PIANP: variants seen among roughly 807,000 people sequenced by gnomAD.
PIANP encodes PILR alpha-associated neural protein.
A neutral mutation model predicts 28.9 loss-of-function variants in PIANP; 14 were observed. The observed-to-expected ratio is 0.49, with a 90% confidence interval of 0.32 to 0.76. The LOEUF (loss-of-function observed/expected upper bound fraction) is 0.76. PIANP is among the 30% of genes least tolerant of loss of function. The probability of loss-of-function intolerance (pLI) is 0.03; values close to 1 mark genes in which losing one functional copy is unlikely to be tolerated. For missense variants in PIANP, 322 were observed against 371.8 expected (o/e 0.87, Z 1.10); for synonymous variants, 149 against 156.6 (o/e 0.95, Z 0.36).
Position 6,695,138 on chromosome 12 carries a change from G to T in PIANP, c.*288C>A, listed in dbSNP as rs1226028849. On this transcript the variant is annotated 3_prime_UTR_variant, in exon 5 of 5. Transcript: ENST00000534837. The surrounding 1 kb of genome is among the most constrained non-coding windows in gnomAD (Gnocchi z 4.2). Reference sequence around the variant, plus strand: ...AGGGGAAGTTCAAGACAAAGAGGGGGAATCAAGGTTAAGAGGGCAGAGTTG... The same window carrying T: ...AGGGGAAGTTCAAGACAAAGAGGGGTAATCAAGGTTAAGAGGGCAGAGTTG... 2 of 1,517,720 alleles carry T rather than the reference G, an allele frequency of 1.3e-6. No individual in the cohort carries two copies. Among genetic ancestry groups the T allele is most frequent in the East Asian group, 2.4e-5 (1 of 40,894 alleles). The allele number at this position is 1,517,720 out of a possible 1,614,324, so 94.0% of individuals were successfully genotyped here.
At chr12:6,698,019 G>A in intron 2 of PIANP, 26 bp downstream of exon 2, 1 of 1,555,784 alleles carries the variant, frequency 6.4e-7, no homozygotes, top group Non-Finnish European at 8.7e-7. Flanking sequence ...GTGGTCTCCA[G>A]GCTCCCTCTG....
At chr12:6,693,382 T>G (rs949704109), downstream of PIANP, among the ~76,000 whole-genome samples, 2 of 151,924 alleles carry the variant, frequency 1.3e-5, no homozygotes, top group Admixed American at 1.3e-4. Flanking sequence ...GATGGCTGGC[T>G]CCCTCTCATC....
At chr12:6,699,012 G>A (rs569509515) in intron 1 of PIANP, among the ~76,000 whole-genome samples, 1 of 152,332 alleles carries the variant, frequency 6.6e-6, no homozygotes, top group African/African-American at 2.4e-5. Context: ...GGGAAGCCAA[G>A]GCGGGTGGAT....
chr12:6,697,489 C>T lies in PIANP; in HGVS notation c.321G>A (p.Val107=). Residue 107 remains valine (V), a synonymous_variant, in exon 3 of 5, where the codon GTG becomes GTA. Transcript: ENST00000534837. This position sits in a 1 kb window ranked among gnomAD's most constrained non-coding sequence, Gnocchi z 6.9. ...PPSSQYPWAI[V]WGPTVSREDG... ...CCTCTCGAGACACGGTGGGACCCCA[C>T]ACGATAGCCCAGGGGTATTGGGATG... 6.2e-7 allele frequency: 1 copy of T among 1,613,862 alleles called. No homozygotes were observed. Among genetic ancestry groups the T allele is most frequent in the Non-Finnish European group, 8.5e-7 (1 of 1,179,836 alleles).
Position 6,697,406 on chromosome 12 carries a change from G to A in PIANP, c.404C>T (p.Pro135Leu). The change falls in exon 3 of 5, where the codon CCT (proline) becomes CTT (leucine). Residue 135 changes from proline to leucine, a missense_variant. Transcript: ENST00000534837. The surrounding 1 kb of genome is among the most constrained non-coding windows in gnomAD (Gnocchi z 6.9). Reference protein sequence around the residue: ...PGFLDYGFAAPHGLATPHPNS... With the variant: ...PGFLDYGFAALHGLATPHPNS... The stretch of plus-strand genomic sequence containing the variant: ...GGGGTGTGGGGTTGCGAGCCCATGA[G>A]GGGCTGCAAAACCATAGTCCAGAAA... The A allele has an allele frequency of 1.2e-6, 2 of 1,614,050 alleles. No homozygotes were observed. Among genetic ancestry groups the A allele is most frequent in the Non-Finnish European group, 1.7e-6 (2 of 1,179,896 alleles).
rs1959930285 is a variant in PIANP at position 6,697,950 on chromosome 12, C to T, written c.17+95G>A. On this transcript the variant is annotated intron_variant, in intron 2 of 4. Transcript: ENST00000534837. This position sits in a 1 kb window ranked among gnomAD's most constrained non-coding sequence, Gnocchi z 6.9. ...TCCCATCTTCCAAAGGAGGATGGCC[C>T]TCAGGATGGGAAGGCTCTGGATGGG... 7.9e-6 allele frequency: 12 copies of T among 1,527,866 alleles called. No homozygotes were observed. The highest frequency in any genetic ancestry group is 3.6e-5 in the South Asian group (3 of 83,394). The allele number at this position is 1,527,866 out of a possible 1,614,324, so 94.6% of individuals were successfully genotyped here.
At position 6,700,333 on chromosome 12, in the gene PIANP, C is replaced by G. The variant is rs1960016355; in HGVS notation, c.-44+281G>C. 6.6e-6 allele frequency: 1 copy of G among 152,392 alleles called. No individual in the cohort carries two copies. The highest frequency in any genetic ancestry group is 2.4e-5 in the African/African-American group (1 of 41,456). 9.4% of individuals were successfully genotyped at this position (152,392 alleles called of 1,614,324 possible). ...ACCCCGAGGCAGGGAGTGCCGAGAG[C>G]GGACTGGGGACCCGAAGCAGGAGAC... is the stretch of plus-strand genomic sequence containing the variant. On this transcript the variant is annotated intron_variant, in intron 1 of 4. Coordinates refer to ENST00000534837, the MANE Select transcript of PIANP (RefSeq NM_001244014.2). The surrounding 1 kb of genome is among the most constrained non-coding windows in gnomAD (Gnocchi z 5.5).
At position 6,697,683 on chromosome 12, in the gene PIANP, CTGGGGCTGG is replaced by C. The variant is rs1408806101; in HGVS notation, c.118_126del (p.Pro40_Pro42del). Reference sequence around the variant, plus strand: ...CCTCCCCTGGCACACGGGGGGCGGGCTGGGGCTGGTGGGGTTCGAGGGGAGGATGAAGAG... The same window carrying C: ...CCTCCCCTGGCACACGGGGGGCGGGCTGGGGTTCGAGGGGAGGATGAAGAG... On this transcript the variant is annotated inframe_deletion, in exon 3 of 5. Coordinates refer to ENST00000534837, the MANE Select transcript of PIANP (RefSeq NM_001244014.2). This position sits in a 1 kb window ranked among gnomAD's most constrained non-coding sequence, Gnocchi z 6.9. 6.5e-7 allele frequency: 1 copy of C among 1,543,534 alleles called. No homozygotes were observed. Among genetic ancestry groups the C allele is most frequent in the Admixed American group, 2.0e-5 (1 of 49,550 alleles).
rs746161891 is a variant in PIANP, at chr12:6,695,543, C to G, written c.714G>C (p.Val238=). The G allele has an allele frequency of 6.3e-7, 1 of 1,593,984 alleles. No individual in the cohort carries two copies. ...LTDLSPAGVT[V]LGAFGDSPTP... ...TAGGTGAGTCCCCGAAGGCCCCCAG[C>G]ACAGTGACTCCAGCCGGGGACAGGT... Residue 238 remains valine, a synonymous_variant, in exon 5 of 5, where the codon GTG becomes GTC. Coordinates refer to ENST00000534837, the MANE Select transcript of PIANP (RefSeq NM_001244014.2). This position sits in a 1 kb window ranked among gnomAD's most constrained non-coding sequence, Gnocchi z 4.2.
chr12:6,697,251 C>G lies in PIANP; in HGVS notation c.523+36G>C, dbSNP rs1202444445. ...CCCTTGGTGTCTTCACCCAGCCTCC[C>G]CATCCGTCATATCCCTCCCAGCCTT... On this transcript the variant is annotated intron_variant, in intron 3 of 4. Transcript: ENST00000534837. The surrounding 1 kb of genome is among the most constrained non-coding windows in gnomAD (Gnocchi z 6.9). The G allele has an allele frequency of 6.2e-7, 1 of 1,604,142 alleles. No individual in the cohort carries two copies. The highest frequency in any genetic ancestry group is 1.3e-5 in the African/African-American group (1 of 74,274).
Position 6,696,373 on chromosome 12 carries a change from C to CT in PIANP, c.605+69dup. On this transcript the variant is annotated intron_variant, in intron 4 of 4. Coordinates refer to ENST00000534837, the MANE Select transcript of PIANP (RefSeq NM_001244014.2). This position sits in a 1 kb window ranked among gnomAD's most constrained non-coding sequence, Gnocchi z 4.0. ...CCCAGCAAAATTGCTGCCACTGCCC[C>CT]TCGTGGTTAGAGCCTCGACTGCCAA... The CT allele has an allele frequency of 7.8e-7, 1 of 1,283,736 alleles. No homozygotes were observed. The highest frequency in any genetic ancestry group is 1.6e-5 in the South Asian group (1 of 61,790). The allele number at this position is 1,283,736 out of a possible 1,614,324, so 79.5% of individuals were successfully genotyped here.
At position 6,696,820 on chromosome 12, in the gene PIANP, T is replaced by C. The variant is rs540218238; in HGVS notation, c.524-296A>G. Reference sequence around the variant, plus strand: ...ATCACTATGCCTGGAAACTAAGGGGTGGAGATGTCCTAGTCTCTGCCATGG... The same window carrying C: ...ATCACTATGCCTGGAAACTAAGGGGCGGAGATGTCCTAGTCTCTGCCATGG... On this transcript the variant is annotated intron_variant, in intron 3 of 4. Transcript: ENST00000534837. The surrounding 1 kb of genome is among the most constrained non-coding windows in gnomAD (Gnocchi z 4.0). Among the ~76,000 whole-genome samples, 2 of 152,244 alleles carry C rather than the reference T, an allele frequency of 1.3e-5. No individual in the cohort carries two copies. Among genetic ancestry groups the C allele is most frequent in the Admixed American group, 1.3e-4 (2 of 15,294 alleles).
chr12:6,698,914 G>A (rs1339246485), intron 1 of PIANP, among the ~76,000 whole-genome samples: 1 of 152,148 alleles, frequency 6.6e-6, no homozygotes, highest in Non-Finnish European at 1.5e-5. Flanking sequence ...AGGGAGTGAA[G>A]ATAGGATACC....
Position 6,697,739 on chromosome 12 carries a change from G to A in PIANP, c.71C>T (p.Pro24Leu). 1 of 1,557,082 alleles carries A rather than the reference G, an allele frequency of 6.4e-7. No individual in the cohort carries two copies. Among genetic ancestry groups the A allele is most frequent in the Non-Finnish European group, 8.7e-7 (1 of 1,154,218 alleles). ...LLPLWPLLLL[P>L]LPPPAQGSSS... ...AGAGCCCTGAGCAGGCGGTGGGAGG[G>A]GCAGCAACAGCAGTGGCCAGAGAGG... Residue 24 changes from proline to leucine, a missense_variant, in exon 3 of 5, where the codon CCC (proline) becomes CTC (leucine). By Grantham distance (98) the Pro-to-Leu change is moderately conservative (BLOSUM62 -3). Coordinates refer to ENST00000534837, the MANE Select transcript of PIANP (RefSeq NM_001244014.2). The surrounding 1 kb of genome is among the most constrained non-coding windows in gnomAD (Gnocchi z 6.9).
chr12:6,693,541 C>T (rs1959749198), downstream of PIANP, among the ~76,000 whole-genome samples: 1 of 152,152 alleles, frequency 6.6e-6, no homozygotes, highest in Non-Finnish European at 1.5e-5. Flanking sequence ...TCTCTTGACC[C>T]TCCCTGGCAA....
chr12:6,698,181 C>G (rs1255275128), intron 1 of PIANP, 77 bp from the exon 2 acceptor site: 1 of 1,181,080 alleles, frequency 8.5e-7, no homozygotes, highest in Non-Finnish European at 1.2e-6. Context: ...CCAATTCTAC[C>G]CGCATCTGCC....
At chr12:6,698,241 G>T in intron 1 of PIANP, 137 bp from the exon 2 acceptor site, 1 of 714,840 alleles carries the variant, frequency 1.4e-6, no homozygotes, top group East Asian at 2.7e-5. Flanking sequence ...AGGATTCACT[G>T]GTTGTTAGCA....
At chr12:6,698,506 G>C (rs1456551467) in intron 1 of PIANP, 1 of 239,910 alleles carries the variant, frequency 4.2e-6, no homozygotes, top group African/African-American at 2.3e-5. Flanking sequence ...AAGTCAATCT[G>C]AGCAAGCCAG....
At position 6,695,503 on chromosome 12, in the gene PIANP, G is replaced by A. The variant is rs757972621; in HGVS notation, c.754C>T (p.His252Tyr). 2 of 1,552,030 alleles carry A rather than the reference G, an allele frequency of 1.3e-6. No homozygotes were observed. The highest frequency in any genetic ancestry group is 1.4e-5 in the African/African-American group (1 of 72,724). The change falls in exon 5 of 5, where the codon CAT (histidine) becomes TAT (tyrosine). Residue 252 changes from histidine (H) to tyrosine (Y), a missense_variant. Transcript: ENST00000534837. The surrounding 1 kb of genome is among the most constrained non-coding windows in gnomAD (Gnocchi z 4.2). ...CGGGGTCCCCCTCGGGGCTCCTCATGGTCAGGGGTGGGGGTAGGTGAGTCC... is the reference window on the plus strand; with the variant it reads ...CGGGGTCCCCCTCGGGGCTCCTCATAGTCAGGGGTGGGGGTAGGTGAGTCC... ...FGDSPTPTPD[H>Y]EEPRGGPRPG...
Sources: gnomAD v4.1 joint callset for allele counts (sites outside exome capture counted in the v4.1 genomes callset) on GRCh38, gnomAD v4.1.1 for gene constraint, Gnocchi (gnomAD v3.1) non-coding constraint, MANE v1.5 for transcripts, NCBI Gene and HGNC (gene_info 2026-07-23, HGNC 2026-07-21) for gene names.